MDM4: variants seen among roughly 807,000 people sequenced by gnomAD.
MDM4 encodes the protein MDM4 regulator of p53.
In MDM4, 2 loss-of-function variants were observed where a neutral mutation model predicts 60.2. The observed-to-expected ratio is 0.03, with a 90% CI of 0.01 to 0.10. The LOEUF (loss-of-function observed/expected upper bound fraction) is 0.10, where lower values mean the gene tolerates loss of function less well. Ranked by LOEUF, MDM4 falls within the 10% of genes least tolerant of loss-of-function variation. The pLI is 1.00. For synonymous variants in MDM4, 202 were observed against 198.1 expected (o/e 1.02, Z -0.17); for missense variants, 447 against 577.5 (o/e 0.77, Z 2.32).
intron 1 of MDM4, among the ~76,000 whole-genome samples, chr1:204,516,820 C>G (rs1378221451): frequency 6.6e-6 from 1 of 152,104 alleles, no homozygotes; most frequent in Non-Finnish European, 1.5e-5. Flanking sequence ...ACTGTTGAGG[C>G]AATTTGGAGA....
chr1:204,517,084 T>TACAAAAATATTAGATGTGTGTGGTG (rs1659056333), intron 1 of MDM4, among the ~76,000 whole-genome samples: 1 of 151,716 alleles, frequency 6.6e-6, no homozygotes, highest in Non-Finnish European at 1.5e-5. Flanking sequence ...CTAGTAAAAA[T>TACAAAAATATTAGATGTGTGTGGTG]ACAAAAATAT....
At chr1:204,533,976 G>A (rs746495212) in intron 5 of MDM4, among the ~76,000 whole-genome samples, 56 of 151,932 alleles carry the variant, frequency 3.7e-4, no homozygotes, top group Non-Finnish European at 6.2e-4. Context: ...TGTAGAAATG[G>A]GGTCTTGCTT....
At chr1:204,528,981 T>G in intron 3 of MDM4, 1 of 1,538,420 alleles carries the variant, frequency 6.5e-7, no homozygotes, top group Middle Eastern at 1.9e-4. Context: ...GCAATCAAGC[T>G]GTCTGGCAGG....
chr1:204,516,832 A>G (rs1483148632), intron 1 of MDM4, among the ~76,000 whole-genome samples: 1 of 152,192 alleles, frequency 6.6e-6, no homozygotes, highest in Non-Finnish European at 1.5e-5. Flanking sequence ...ATTTGGAGAA[A>G]GGAGGTGGGA....
At chr1:204,542,382 A>G (rs1662186399) in intron 7 of MDM4, among the ~76,000 whole-genome samples, 2 of 152,226 alleles carry the variant, frequency 1.3e-5, no homozygotes, top group Non-Finnish European at 2.9e-5. Flanking sequence ...AACTATTATC[A>G]GGCACTATGT....
rs1355721783 is a variant in MDM4 at position 204,536,194 on chromosome 1, G to A, written c.344-1236G>A. ...TTGAGCCAGGGAGGTAGAGGTTTTA[G>A]TGAGCCGAGATTGCGCCACTGCTCT... On this transcript the variant is annotated intron_variant, in intron 5 of 10. Transcript: ENST00000367182. Among the ~76,000 whole-genome samples, 3 of 152,320 alleles carry A rather than the reference G, an allele frequency of 2.0e-5. No individual in the cohort carries two copies. The South Asian group carries it at 6.2e-4, about 32-fold the overall frequency.
intron 1 of MDM4, among the ~76,000 whole-genome samples, chr1:204,517,353 T>C (rs1465787507): frequency 1.3e-5 from 2 of 152,230 alleles, no homozygotes; most frequent in Non-Finnish European, 2.9e-5. Flanking sequence ...CCAGTGATTT[T>C]TGTATACCTT....
At chr1:204,527,022 C>G (rs1660261624) in intron 3 of MDM4, among the ~76,000 whole-genome samples, 1 of 151,926 alleles carries the variant, frequency 6.6e-6, no homozygotes, top group Admixed American at 6.6e-5. Flanking sequence ...GGGCCTGGCA[C>G]CATAGCTCAC....
chr1:204,549,426 CCATCTCAAG>C lies in MDM4; in HGVS notation c.1221_1229del (p.Ile407_Ser409del). 5 of 1,612,986 alleles carry C rather than the reference CCATCTCAAG, an allele frequency of 3.1e-6. No homozygotes were observed. The highest frequency in any genetic ancestry group is 4.2e-6 in the Non-Finnish European group (5 of 1,179,736). ...GCTCACAGTTCTGAAAGCCAAGAGA[CCATCTCAAG>C]CATGGGAGAACAGTTAGATAACCTT... On this transcript the variant is annotated inframe_deletion, in exon 11 of 11. Transcript: ENST00000367182.
At chr1:204,525,628 GTTTTT>G (rs139769069) in intron 2 of MDM4, 32 bp downstream of exon 2, 7 of 1,112,802 alleles carry the variant, frequency 6.3e-6, no homozygotes, top group Non-Finnish European at 3.8e-6. Flanking sequence ...TAGTTTTTTG[GTTTTT>G]TTTTTTTTTA....
chr1:204,544,591 GTCAGTA>G lies in MDM4; in HGVS notation c.734_739del (p.Val245_Ser246del), dbSNP rs1558332553. The stretch of plus-strand genomic sequence containing the variant: ...CAGATGACTTGTGGTTTTTGAATGA[GTCAGTA>G]TCAGAGCAGTTAGGTGTTGGAATAA... On this transcript the variant is annotated inframe_deletion, in exon 9 of 11. Transcript: ENST00000367182. 6.2e-7 allele frequency: 1 copy of G among 1,613,732 alleles called. No individual in the cohort carries two copies. Among genetic ancestry groups the G allele is most frequent in the Non-Finnish European group, 8.5e-7 (1 of 1,179,770 alleles).
chr1:204,536,345 TTTG>T lies in MDM4; in HGVS notation c.344-1080_344-1078del, dbSNP rs1463052153. 2.0e-5 allele frequency among the ~76,000 whole-genome samples: 3 copies of T among 152,352 alleles called. No individual in the cohort carries two copies. In the East Asian group the frequency reaches 5.8e-4, roughly 29 times the overall value. ...TCAGAAAATGCTGTCTCTCAAACTT[TTTG>T]TTGTCTCCGTTTGTCCACAAAAATG... On this transcript the variant is annotated intron_variant, in intron 5 of 10. Coordinates refer to ENST00000367182, the MANE Select transcript of MDM4 (RefSeq NM_002393.5).
chr1:204,519,372 T>C (rs2102280626), intron 1 of MDM4, among the ~76,000 whole-genome samples: 1 of 152,244 alleles, frequency 6.6e-6, no homozygotes, highest in East Asian at 1.9e-4. Flanking sequence ...CTGGGCGTGA[T>C]GGTGCATGCC....
chr1:204,525,599 A>G lies in MDM4; in HGVS notation c.78+3A>G, dbSNP rs1288394615. On this transcript the variant is annotated splice_donor_region_variant and intron_variant, in intron 2 of 10. Transcript: ENST00000367182. ...TCTCTCCTGGACAAATCAATCAGGT[A>G]AATCATTTTCGGTATTTCTAGTTTT... 1 of 1,563,248 alleles carries G rather than the reference A, an allele frequency of 6.4e-7. No individual in the cohort carries two copies. Among genetic ancestry groups the G allele is most frequent in the South Asian group, 1.2e-5 (1 of 84,508 alleles).
intron 7 of MDM4, among the ~76,000 whole-genome samples, chr1:204,540,123 A>G (rs1023196727): frequency 6.6e-6 from 1 of 151,730 alleles, no homozygotes; most frequent in Non-Finnish European, 1.5e-5. Context: ...CTACTTAAAA[A>G]AAATACAAAA....
In MDM4 at chr1:204,550,914, C is replaced by T. The variant is rs1374565278; in HGVS notation, c.*1232C>T. On this transcript the variant is annotated 3_prime_UTR_variant, in exon 11 of 11. Coordinates refer to ENST00000367182, the MANE Select transcript of MDM4 (RefSeq NM_002393.5). ...GAAAAAGTCCTGTCATATAAACTGGCAAAGTCTGTTCTTAATTTAATTAGC... is the reference window on the plus strand; with the variant it reads ...GAAAAAGTCCTGTCATATAAACTGGTAAAGTCTGTTCTTAATTTAATTAGC... The T allele has an allele frequency of 5.5e-6, 1 of 182,168 alleles. No individual in the cohort carries two copies. Among genetic ancestry groups the T allele is most frequent in the Non-Finnish European group, 1.2e-5 (1 of 85,424 alleles). The allele number at this position is 182,168 out of a possible 1,614,324, so 11.3% of individuals were successfully genotyped here.
Position 204,549,128 on chromosome 1 carries a change from A to T in MDM4, c.919A>T (p.Thr307Ser), listed in dbSNP as rs1048855060. The T allele has an allele frequency of 6.2e-7, 1 of 1,607,792 alleles. No homozygotes were observed. The highest frequency in any genetic ancestry group is 8.5e-7 in the Non-Finnish European group (1 of 1,175,604). ...GTCTTTGTAGGATGAGTGGCAGTGT[A>T]CTGAATGCAAGAAATTTAACTCTCC... ...EVTSEDEWQC[T>S]ECKKFNSPSK... is the part of the protein sequence containing the mutation. Residue 307 changes from threonine to serine, a missense_variant, in exon 11 of 11, where the codon ACT becomes TCT. Coordinates refer to ENST00000367182, the MANE Select transcript of MDM4 (RefSeq NM_002393.5).
intron 9 of MDM4, among the ~76,000 whole-genome samples, chr1:204,545,168 G>T (rs1662525411): frequency 6.6e-6 from 1 of 152,162 alleles, no homozygotes; most frequent in African/African-American, 2.4e-5. Context: ...AAGCCAAAAG[G>T]TTGGACACCC....
chr1:204,556,992 C>T lies in MDM4; in HGVS notation c.*7310C>T, dbSNP rs934237618. On this transcript the variant is annotated 3_prime_UTR_variant, in exon 11 of 11. Transcript: ENST00000367182. ...AGTATTGAGTGCCAGTCTTGACGTC[C>T]GTATGCCTCAGTTTTTCTCATATAT... 6.3e-5 allele frequency: 13 copies of T among 206,736 alleles called. No individual in the cohort carries two copies. The highest frequency in any genetic ancestry group is 2.3e-4 in the African/African-American group (10 of 43,920). 12.8% of individuals were successfully genotyped at this position (206,736 alleles called of 1,614,324 possible).
Sources: gnomAD v4.1 joint callset for allele counts (sites outside exome capture counted in the v4.1 genomes callset) on GRCh38, gnomAD v4.1.1 for gene constraint, MANE v1.5 for transcripts, NCBI Gene and HGNC (gene_info 2026-07-23, HGNC 2026-07-21) for gene names.